The following ROBO2 variants were observed in gnomAD, a reference collection of about 807,000 sequenced individuals.
ROBO2 encodes the protein roundabout homolog 2.
A neutral mutation model predicts 160.8 loss-of-function variants in ROBO2; 53 were observed. The observed-to-expected ratio is 0.33, with a 90% CI of 0.26 to 0.41. ROBO2 has a LOEUF of 0.41. ROBO2 is among the 10% of genes least tolerant of loss of function. The probability of loss-of-function intolerance (pLI) is 1.00; values close to 1 mark genes in which losing one functional copy is unlikely to be tolerated. For missense variants in ROBO2, 1,577 were observed against 1,722.4 expected (o/e 0.92, Z 1.49); for synonymous variants, 664 against 611.7 (o/e 1.09, Z -1.26).
At chr3:76,998,959 G>A (rs2061186574) in intron 2 of ROBO2, among the ~76,000 whole-genome samples, 1 of 152,066 alleles carries the variant, frequency 6.6e-6, no homozygotes, top group South Asian at 2.1e-4. Flanking sequence ...CAACTTAGAA[G>A]TATTTAATTA....
chr3:76,136,516 A>G (rs1275685156), intron 2 of ROBO2, among the ~76,000 whole-genome samples: 1 of 152,230 alleles, frequency 6.6e-6, no homozygotes, highest in East Asian at 1.9e-4. Flanking sequence ...TGTGATAAGG[A>G]AAGAGAAATG....
At chr3:76,536,369 T>C (rs1308639141) in intron 2 of ROBO2, among the ~76,000 whole-genome samples, 1 of 152,152 alleles carries the variant, frequency 6.6e-6, no homozygotes, top group Non-Finnish European at 1.5e-5. Context: ...AGGAGCTGAC[T>C]GGGTGATAAA....
At chr3:77,093,509 T>C (rs939936021) in intron 1 of ROBO2, among the ~76,000 whole-genome samples, 1 of 152,166 alleles carries the variant, frequency 6.6e-6, no homozygotes. Flanking sequence ...TTTGGGAATA[T>C]GATGAAAGCT....
intron 2 of ROBO2, among the ~76,000 whole-genome samples, chr3:77,370,152 G>A (rs1222001373): frequency 6.6e-6 from 1 of 152,154 alleles, no homozygotes; most frequent in East Asian, 1.9e-4. Flanking sequence ...GGCACAAAAA[G>A]GGGAACGAAA....
chr3:76,110,432 A>T (rs1003829809), intron 2 of ROBO2, among the ~76,000 whole-genome samples: 1 of 151,528 alleles, frequency 6.6e-6, no homozygotes, highest in Non-Finnish European at 1.5e-5. Context: ...TAATAATCAC[A>T]TGAGGCCTAA....
chr3:77,244,525 TC>T (rs1403231326), intron 2 of ROBO2, among the ~76,000 whole-genome samples: 1 of 152,038 alleles, frequency 6.6e-6, no homozygotes, highest in Non-Finnish European at 1.5e-5. Context: ...AAGTGAGAGA[TC>T]CTTCATATAT....
At chr3:76,154,716 A>G (rs2072338203) in intron 2 of ROBO2, among the ~76,000 whole-genome samples, 1 of 152,146 alleles carries the variant, frequency 6.6e-6, no homozygotes, top group African/African-American at 2.4e-5. Context: ...TTACGCCACT[A>G]AATTGCAACT....
intron 2 of ROBO2, among the ~76,000 whole-genome samples, chr3:76,361,501 CAAAA>C (rs1240076082): frequency 6.6e-6 from 1 of 151,906 alleles, no homozygotes; most frequent in African/African-American, 2.4e-5. Context: ...AAGAGTAAAA[CAAAA>C]GAAAGCAGAA....
chr3:77,292,161 A>G (rs531399342), intron 2 of ROBO2, among the ~76,000 whole-genome samples: 31 of 151,192 alleles, frequency 2.1e-4, no homozygotes, highest in African/African-American at 7.6e-4. Flanking sequence ...TAAACGGGTA[A>G]GCTGAGGCTA....
intron 2 of ROBO2, among the ~76,000 whole-genome samples, chr3:76,392,603 C>G (rs2077210084): frequency 1.3e-5 from 2 of 152,100 alleles, no homozygotes; most frequent in African/African-American, 2.4e-5. Flanking sequence ...TGATGGCTTT[C>G]CACTTTAGGG....
At chr3:76,248,530 T>A (rs1705774063) in intron 2 of ROBO2, among the ~76,000 whole-genome samples, 1 of 151,312 alleles carries the variant, frequency 6.6e-6, no homozygotes, top group South Asian at 2.1e-4. Flanking sequence ...TTGGGAGATA[T>A]ACCTAATGCT....
chr3:76,519,183 A>C (rs1306261349), intron 2 of ROBO2, among the ~76,000 whole-genome samples: 1 of 152,198 alleles, frequency 6.6e-6, no homozygotes, highest in East Asian at 1.9e-4. Context: ...GTGATGTTTA[A>C]CATATAATGA....
intron 1 of ROBO2, among the ~76,000 whole-genome samples, chr3:75,933,350 T>C (rs1559762662): frequency 1.3e-5 from 2 of 152,168 alleles, no homozygotes; most frequent in Admixed American, 6.6e-5. Context: ...TGGTCTTTAG[T>C]TTTAAAAGGG....
intron 2 of ROBO2, among the ~76,000 whole-genome samples, chr3:76,410,260 G>A (rs756636708): frequency 2.6e-5 from 4 of 151,924 alleles, no homozygotes; most frequent in Admixed American, 6.6e-5. Flanking sequence ...TGTATTCTGT[G>A]ATTAATCAGA....
intron 2 of ROBO2, among the ~76,000 whole-genome samples, chr3:77,458,997 T>C (rs1229973323): frequency 6.6e-6 from 1 of 152,172 alleles, no homozygotes; most frequent in Non-Finnish European, 1.5e-5. Context: ...GAGTATTCAA[T>C]TGACCTTATA....
intron 2 of ROBO2, among the ~76,000 whole-genome samples, chr3:77,211,743 A>C (rs2084195540): frequency 6.6e-6 from 1 of 152,176 alleles, no homozygotes; most frequent in African/African-American, 2.4e-5. Context: ...TCTTGAATTA[A>C]TTTTTGTATA....
At chr3:77,282,213 CTT>C (rs1169816892) in intron 2 of ROBO2, among the ~76,000 whole-genome samples, 9 of 152,020 alleles carry the variant, frequency 5.9e-5, no homozygotes, top group African/African-American at 2.2e-4. Flanking sequence ...TTTGCAAGCT[CTT>C]ATAATCAACT....
At chr3:76,638,739 G>A (rs978134127) in intron 2 of ROBO2, among the ~76,000 whole-genome samples, 1 of 151,930 alleles carries the variant, frequency 6.6e-6, no homozygotes, top group African/African-American at 2.4e-5. Flanking sequence ...TTTTTTGTCT[G>A]CTATCATCTT....
At chr3:76,105,852 C>T (rs1055883384) in intron 2 of ROBO2, among the ~76,000 whole-genome samples, 5 of 152,010 alleles carry the variant, frequency 3.3e-5, no homozygotes, top group African/African-American at 7.2e-5. Flanking sequence ...AAAAAAGACA[C>T]AGGTAACACC....
Sources: gnomAD v4.1 joint callset for allele counts (sites outside exome capture counted in the v4.1 genomes callset) on GRCh38, gnomAD v4.1.1 for gene constraint, MANE v1.5 for transcripts, NCBI Gene and HGNC (gene_info 2026-07-23, HGNC 2026-07-21) for gene names.